Variants in LDLRAD3 observed in about 807,000 individuals in gnomAD.
The protein encoded by LDLRAD3 is low-density lipoprotein receptor class A domain-containing protein 3.
LDLRAD3 carries 20 observed loss-of-function variants against 29.4 expected under a neutral mutation model. The observed-to-expected ratio is 0.68, with a 90% CI of 0.48 to 0.99. The LOEUF is 0.99. LDLRAD3 is among the 50% of genes least tolerant of loss of function. LDLRAD3 has a pLI of 0.00. For synonymous variants in LDLRAD3, 157 were observed against 192.7 expected (o/e 0.81, Z 1.53); for missense variants, 420 against 454.3 (o/e 0.92, Z 0.69).
At chr11:35,979,537 C>A (rs1166250786) in intron 1 of LDLRAD3, among the ~76,000 whole-genome samples, 3 of 152,110 alleles carry the variant, frequency 2.0e-5, no homozygotes, top group Non-Finnish European at 4.4e-5. Context: ...TTAGTCCTTG[C>A]TATACAGGGT....
intron 1 of LDLRAD3, among the ~76,000 whole-genome samples, chr11:36,034,554 T>C (rs1225922648): frequency 6.6e-6 from 1 of 152,228 alleles, no homozygotes; most frequent in Admixed American, 6.5e-5. Context: ...GAAACGTGCA[T>C]GTGCGTTATT....
intron 3 of LDLRAD3, among the ~76,000 whole-genome samples, chr11:36,084,890 G>A (rs947799754): frequency 2.0e-5 from 3 of 152,208 alleles, no homozygotes; most frequent in African/African-American, 7.2e-5. Flanking sequence ...TCGCTTTAGA[G>A]TATAGTTGTC....
chr11:36,083,204 C>G (rs1246005111), intron 3 of LDLRAD3, among the ~76,000 whole-genome samples: 1 of 152,190 alleles, frequency 6.6e-6, no homozygotes, highest in Non-Finnish European at 1.5e-5. Context: ...AGGGTTCACT[C>G]TGGTGTTGAA....
intron 4 of LDLRAD3, among the ~76,000 whole-genome samples, chr11:36,218,754 C>T (rs768410680): frequency 2.0e-5 from 3 of 152,222 alleles, no homozygotes; most frequent in Non-Finnish European, 4.4e-5. Flanking sequence ...ACTGGCCCCT[C>T]CCCTCATGAC....
intron 2 of LDLRAD3, among the ~76,000 whole-genome samples, chr11:36,040,321 G>A (rs1171562189): frequency 2.0e-5 from 3 of 151,674 alleles, no homozygotes; most frequent in Admixed American, 1.3e-4. Flanking sequence ...TAATCGTGAC[G>A]GTAATAAGAT....
chr11:36,152,302 G>A (rs1854288980), intron 4 of LDLRAD3, among the ~76,000 whole-genome samples: 1 of 152,196 alleles, frequency 6.6e-6, no homozygotes, highest in African/African-American at 2.4e-5. Flanking sequence ...TATAAAACCA[G>A]ATGCTATCAG....
chr11:35,953,900 A>C (rs1252251029), intron 1 of LDLRAD3, among the ~76,000 whole-genome samples: 1 of 152,230 alleles, frequency 6.6e-6, no homozygotes, highest in Non-Finnish European at 1.5e-5. Flanking sequence ...TGATACTAGC[A>C]AGTGAGCCCA....
At chr11:36,034,520 C>T (rs910139461) in intron 1 of LDLRAD3, among the ~76,000 whole-genome samples, 3 of 152,130 alleles carry the variant, frequency 2.0e-5, no homozygotes, top group African/African-American at 4.8e-5. Flanking sequence ...CTCCAGTGAG[C>T]GATGAAAGCT....
intron 4 of LDLRAD3, among the ~76,000 whole-genome samples, chr11:36,119,819 A>G (rs1435534098): frequency 6.6e-6 from 1 of 152,116 alleles, no homozygotes; most frequent in Non-Finnish European, 1.5e-5. Flanking sequence ...TTGCCACACA[A>G]AGGTTTAATT....
At chr11:35,947,537 C>A (rs1249032927) in intron 1 of LDLRAD3, among the ~76,000 whole-genome samples, 1 of 152,006 alleles carries the variant, frequency 6.6e-6, no homozygotes, top group Admixed American at 6.6e-5. Flanking sequence ...GCCTTTACAA[C>A]CTTGCCTGTT....
chr11:36,041,017 A>C (rs565190171), intron 2 of LDLRAD3, among the ~76,000 whole-genome samples: 11 of 152,142 alleles, frequency 7.2e-5, no homozygotes, highest in Non-Finnish European at 1.3e-4. Flanking sequence ...AAGACATTAG[A>C]TTTTCTGCCT....
intron 4 of LDLRAD3, among the ~76,000 whole-genome samples, chr11:36,200,178 A>C (rs1044231596): frequency 1.3e-5 from 2 of 152,116 alleles, no homozygotes; most frequent in Non-Finnish European, 2.9e-5. Context: ...AAAAATAATA[A>C]ATTAAAAATT....
At chr11:35,961,062 C>T (rs953110124) in intron 1 of LDLRAD3, among the ~76,000 whole-genome samples, 48 of 152,216 alleles carry the variant, frequency 3.2e-4, no homozygotes, top group Admixed American at 3.0e-3. Context: ...ATGGCATGAA[C>T]GTCCAGGCCC....
chr11:36,054,160 T>C (rs1031079647), intron 2 of LDLRAD3, among the ~76,000 whole-genome samples: 2 of 152,216 alleles, frequency 1.3e-5, no homozygotes, highest in Non-Finnish European at 2.9e-5. Flanking sequence ...TCAGAAATAT[T>C]TTGTTTTTCA....
intron 4 of LDLRAD3, among the ~76,000 whole-genome samples, chr11:36,218,541 A>G (rs550857903): frequency 4.6e-5 from 7 of 152,342 alleles, no homozygotes; most frequent in East Asian, 1.9e-4. Flanking sequence ...GGATGTGGCC[A>G]TGAGAATGGA....
At chr11:36,161,395 A>AG (rs1854437887) in intron 4 of LDLRAD3, among the ~76,000 whole-genome samples, 1 of 152,224 alleles carries the variant, frequency 6.6e-6, no homozygotes, top group Admixed American at 6.5e-5. Context: ...TCCTGCTAGC[A>AG]GGGTGAGATA....
intron 1 of LDLRAD3, among the ~76,000 whole-genome samples, chr11:35,988,151 C>T (rs916634325): frequency 7.2e-5 from 11 of 151,766 alleles, no homozygotes; most frequent in African/African-American, 1.7e-4. Flanking sequence ...TCAATCTCGT[C>T]GGGTCAAGCC....
At chr11:36,088,981 G>A (rs1853237074) in intron 3 of LDLRAD3, among the ~76,000 whole-genome samples, 1 of 152,096 alleles carries the variant, frequency 6.6e-6, no homozygotes, top group African/African-American at 2.4e-5. Context: ...CACACTTACT[G>A]TCTTCCCTAC....
Position 35,999,906 on chromosome 11 carries a change from C to G in LDLRAD3, c.47-36197C>G, listed in dbSNP as rs921366344. ...ATTATTGCTCAGAGAAGGTCTCTGCCTGTGCCCATGGAGACATTTACAAGG... is the reference window on the plus strand; with the variant it reads ...ATTATTGCTCAGAGAAGGTCTCTGCGTGTGCCCATGGAGACATTTACAAGG... On this transcript the variant is annotated intron_variant, in intron 1 of 5. Coordinates refer to ENST00000315571, the MANE Select transcript of LDLRAD3 (RefSeq NM_174902.4). Among the ~76,000 whole-genome samples, 9 of 152,308 alleles carry G rather than the reference C, an allele frequency of 5.9e-5. No individual in the cohort carries two copies. In the East Asian group the frequency reaches 1.7e-3, roughly 29 times the overall value.
Sources: gnomAD v4.1 joint callset for allele counts (sites outside exome capture counted in the v4.1 genomes callset) on GRCh38, gnomAD v4.1.1 for gene constraint, MANE v1.5 for transcripts, NCBI Gene and HGNC (gene_info 2026-07-23, HGNC 2026-07-21) for gene names.